CCDC125: variants seen among roughly 807,000 people sequenced by gnomAD.
CCDC125 encodes coiled-coil domain-containing protein 125.
Under a neutral mutation model 57.4 loss-of-function variants are expected in CCDC125, and 43 were observed. The ratio of observed to expected loss-of-function variants is 0.75; its 90% CI spans 0.59 to 0.97. CCDC125 has a LOEUF of 0.97. Among genes scored for constraint, CCDC125 ranks in the 50% least tolerant of loss-of-function variants. CCDC125 has a pLI of 0.00. For synonymous variants in CCDC125, 187 were observed against 195.2 expected (o/e 0.96, Z 0.35); for missense variants, 563 against 595.7 (o/e 0.95, Z 0.57).
rs1209846370 is a variant in CCDC125 at position 69,280,497 on chromosome 5, C to T, written c.*2232G>A. ...TGCAAAACTCCCATAAAGGGAGTTTCTCCAGCAATAATCAATGCTGTCTCA... is the reference window on the plus strand; with the variant it reads ...TGCAAAACTCCCATAAAGGGAGTTTTTCCAGCAATAATCAATGCTGTCTCA... On this transcript the variant is annotated 3_prime_UTR_variant, in exon 12 of 12. Transcript: ENST00000396496. 2 of 152,234 alleles carry T rather than the reference C, an allele frequency of 1.3e-5. No individual in the cohort carries two copies. The highest frequency in any genetic ancestry group is 2.9e-5 in the Non-Finnish European group (2 of 68,056). 9.4% of individuals were successfully genotyped at this position (152,234 alleles called of 1,614,324 possible). A position where few individuals can be genotyped will look rare whatever the true frequency, so the allele number is the denominator to read the frequency against.
At chr5:69,276,822 T>A, downstream of CCDC125, 1 of 832,750 alleles carries the variant, frequency 1.2e-6, no homozygotes, top group Non-Finnish European at 1.9e-6. Context: ...TTTAATTGTA[T>A]AAAGTAGAGA....
intron 8 of CCDC125, among the ~76,000 whole-genome samples, chr5:69,297,073 TA>T (rs754851884): frequency 2.5e-4 from 38 of 152,324 alleles, no homozygotes; most frequent in African/African-American, 7.9e-4. Flanking sequence ...TATTCTTATT[TA>T]TTTATTTTTG....
At position 69,318,934 on chromosome 5, in the gene CCDC125, G is replaced by T. The variant is rs1345960175; in HGVS notation, c.304+1303C>A. 3.3e-5 allele frequency among the ~76,000 whole-genome samples: 5 copies of T among 149,794 alleles called. No individual in the cohort carries two copies. The East Asian group carries it at 5.9e-4, about 18-fold the overall frequency. ...ACATCTGTTGATTTGCAGGGTTTTG[G>T]TTTTTTTTCTTTTTTTTTTTTTGAG... On this transcript the variant is annotated intron_variant, in intron 2 of 11. Transcript: ENST00000396496.
At chr5:69,306,944 A>G (rs888963240) in intron 5 of CCDC125, 42 bp from the exon 6 acceptor site, 18 of 1,454,374 alleles carry the variant, frequency 1.2e-5, no homozygotes, top group Non-Finnish European at 1.5e-5. Flanking sequence ...ATTACTACAA[A>G]TAAATCATTT....
intron 1 of CCDC125, among the ~76,000 whole-genome samples, chr5:69,326,487 C>T (rs1386948242): frequency 1.3e-5 from 2 of 152,060 alleles, no homozygotes; most frequent in South Asian, 2.1e-4. Context: ...GTGCAGTAGA[C>T]TCCTGCTTGT....
intron 5 of CCDC125, chr5:69,307,718 A>G (rs993575629): frequency 2.0e-6 from 1 of 508,054 alleles, no homozygotes; most frequent in African/African-American, 1.9e-5. Flanking sequence ...GAGAAGTACC[A>G]ATTTGGCAGG....
At chr5:69,330,202 T>G (rs1222765963) in intron 1 of CCDC125, among the ~76,000 whole-genome samples, 1 of 152,168 alleles carries the variant, frequency 6.6e-6, no homozygotes, top group East Asian at 1.9e-4. Context: ...GCTCTTTTTC[T>G]TTTTCCTGTC....
At chr5:69,293,253 C>T (rs895132431) in intron 9 of CCDC125, among the ~76,000 whole-genome samples, 1 of 152,224 alleles carries the variant, frequency 6.6e-6, no homozygotes, top group African/African-American at 2.4e-5. Flanking sequence ...ATTCTCCCAC[C>T]TCAGCCTCCC....
At chr5:69,303,529 T>G (rs952402399) in intron 7 of CCDC125, among the ~76,000 whole-genome samples, 1 of 151,942 alleles carries the variant, frequency 6.6e-6, no homozygotes, top group Admixed American at 6.6e-5. Flanking sequence ...CATGTCTCGC[T>G]AATTTTTGTA....
Position 69,307,999 on chromosome 5 carries a change from C to A in CCDC125, c.483G>T (p.Thr161=), listed in dbSNP as rs750959081. The A allele has an allele frequency of 6.2e-7, 1 of 1,613,896 alleles. No homozygotes were observed. Among genetic ancestry groups the A allele is most frequent in the Admixed American group, 1.7e-5 (1 of 60,006 alleles). The part of the protein sequence containing the change: ...MAILGKATSH[T]QAVLQKTMEQ... ...CCATAGTTTTTTGAAGCACTGCCTG[C>A]GTATGACTTGTGGCTTTGCCCAGTA... The change falls in exon 5 of 12, where the codon ACG becomes ACT. Residue 161 remains threonine, a synonymous_variant. Transcript: ENST00000396496.
At position 69,307,368 on chromosome 5, in the gene CCDC125, T is replaced by TA. The variant is rs59632565; in HGVS notation, c.532-467dup. ...GTCCTGCCAGGCAACGATAAGGATT[T>TA]AAAAAAAAAAATTTTTTTTAAGAAG... is the stretch of plus-strand genomic sequence containing the variant. On this transcript the variant is annotated intron_variant, in intron 5 of 11. Transcript: ENST00000396496. 4.4e-3 allele frequency among the ~76,000 whole-genome samples: 663 copies of TA among 150,468 alleles called. 5 individuals are homozygous for TA. Among genetic ancestry groups the TA allele is most frequent in the African/African-American group, 0.015 (611 of 41,140 alleles).
chr5:69,308,010 T>C lies in CCDC125; in HGVS notation c.472A>G (p.Thr158Ala). The change falls in exon 5 of 12, where the codon ACA becomes GCA. Residue 158 changes from threonine to alanine, a missense_variant. Transcript: ENST00000396496. Reference protein sequence around the residue: ...LQSMAILGKATSHTQAVLQKT... With the variant: ...LQSMAILGKAASHTQAVLQKT... Reference sequence around the variant, plus strand: ...TGAAGCACTGCCTGCGTATGACTTGTGGCTTTGCCCAGTATTGCCTAAGAA... The same window carrying C: ...TGAAGCACTGCCTGCGTATGACTTGCGGCTTTGCCCAGTATTGCCTAAGAA... The C allele has an allele frequency of 6.2e-7, 1 of 1,613,854 alleles. No homozygotes were observed.
At chr5:69,298,023 T>G (rs1755681611) in intron 8 of CCDC125, among the ~76,000 whole-genome samples, 1 of 136,136 alleles carries the variant, frequency 7.3e-6, no homozygotes, top group Non-Finnish European at 1.5e-5. Flanking sequence ...AAAATAAAGT[T>G]TTTTTTTTTT....
Position 69,320,291 on chromosome 5 carries a change from C to T in CCDC125, c.250G>A (p.Asp84Asn). Residue 84 changes from aspartate to asparagine, a missense_variant, in exon 2 of 12, where the codon GAT becomes AAT. Asp to Asn is a conservative substitution (Grantham distance 23). Transcript: ENST00000396496. ...ATTCTGGACACTTGAGGGAATGTATCTTGCTGGCTCTTATGCTTGGAATAC... is the reference window on the plus strand; with the variant it reads ...ATTCTGGACACTTGAGGGAATGTATTTTGCTGGCTCTTATGCTTGGAATAC... ...FQYSKHKSQQ[D>N]TFPQVSRISN... is the part of the protein sequence containing the mutation. 1 of 1,614,114 alleles carries T rather than the reference C, an allele frequency of 6.2e-7. No homozygotes were observed.
At chr5:69,296,830 G>C (rs908271036) in intron 8 of CCDC125, among the ~76,000 whole-genome samples, 8 of 151,676 alleles carry the variant, frequency 5.3e-5, no homozygotes, top group African/African-American at 1.9e-4. Flanking sequence ...TGGGCATGGT[G>C]GTGGGTGCCT....
Position 69,294,004 on chromosome 5 carries a change from A to G in CCDC125, c.924+789T>C, listed in dbSNP as rs933549524. ...TACCCTCCACTTAATATAGTAGGAAAACTAAGACCTACCCCGTCCAAAGCC... is the reference window on the plus strand; with the variant it reads ...TACCCTCCACTTAATATAGTAGGAAGACTAAGACCTACCCCGTCCAAAGCC... On this transcript the variant is annotated intron_variant, in intron 9 of 11. Coordinates refer to ENST00000396496, the MANE Select transcript of CCDC125 (RefSeq NM_176816.5). 30 of 207,608 alleles carry G rather than the reference A, an allele frequency of 1.4e-4. No individual in the cohort carries two copies. The South Asian group carries it at 2.7e-3, about 19-fold the overall frequency. The allele number at this position is 207,608 out of a possible 1,614,324, so 12.9% of individuals were successfully genotyped here.
chr5:69,291,857 C>T (rs902322943), intron 10 of CCDC125, among the ~76,000 whole-genome samples: 9 of 152,194 alleles, frequency 5.9e-5, no homozygotes, highest in African/African-American at 1.9e-4. Context: ...TTTCACATTA[C>T]TTCCTTCTTG....
In CCDC125 at chr5:69,285,436, G is replaced by A. The variant is rs188393241; in HGVS notation, c.1131C>T (p.Phe377=). 3.5e-5 allele frequency: 57 copies of A among 1,606,626 alleles called. No homozygotes were observed. Among genetic ancestry groups the A allele is most frequent in the Middle Eastern group, 1.7e-4 (1 of 6,036 alleles). Residue 377 remains phenylalanine, a synonymous_variant, in exon 11 of 12, where the codon TTC becomes TTT. Transcript: ENST00000396496. ...GFPSPRSKKT[F]GQRLLGMLPS... is the part of the protein sequence containing the mutation. ...GGAGCATACCCAACAGTCTCTGCCC[G>A]AAGGTCTTCTTACTCCTTGGTGATG...
rs775944074 is a variant in CCDC125, at chr5:69,320,203, G to A, written c.304+34C>T. Reference sequence around the variant, plus strand: ...GTTATAGCTTTGATACTATGCACAGGAGAAAGAAAGGAGAGGAAATTCAGC... The same window carrying A: ...GTTATAGCTTTGATACTATGCACAGAAGAAAGAAAGGAGAGGAAATTCAGC... On this transcript the variant is annotated intron_variant, in intron 2 of 11. Coordinates refer to ENST00000396496, the MANE Select transcript of CCDC125 (RefSeq NM_176816.5). 1.0e-5 allele frequency: 16 copies of A among 1,552,698 alleles called. 1 individual carries two copies. The Admixed American group carries it at 1.0e-4, about 10-fold the overall frequency.
Sources: allele counts gnomAD v4.1 joint callset (sites outside exome capture counted in the v4.1 genomes callset), GRCh38; gene constraint gnomAD v4.1.1; transcripts MANE v1.5; gene names NCBI Gene and HGNC (gene_info 2026-07-23, HGNC 2026-07-21).